TRDN: variants seen among roughly 807,000 people sequenced by gnomAD.
The protein encoded by TRDN is triadin.
In TRDN, 161 loss-of-function variants were observed where a neutral mutation model predicts 149.7. That is an observed-to-expected ratio of 1.08 (90% CI 0.95 to 1.23). The LOEUF (loss-of-function observed/expected upper bound fraction) is 1.23. TRDN is among the 50% of genes most tolerant of loss of function. The pLI is 0.00. For missense variants in TRDN, 896 were observed against 823.5 expected, an observed-to-expected ratio of 1.09 and a Z score of -1.08; for synonymous variants, 294 against 250.5, an observed-to-expected ratio of 1.17 and a Z score of -1.64.
At chr6:123,236,207 A>G (rs1775781756) in intron 38 of TRDN, among the ~76,000 whole-genome samples, 1 of 152,170 alleles carries the variant, frequency 6.6e-6, no homozygotes, top group Non-Finnish European at 1.5e-5. Flanking sequence ...ACTTATCCTA[A>G]TAAATGTGTG....
chr6:123,291,734 A>G (rs1778020587), intron 24 of TRDN, among the ~76,000 whole-genome samples: 1 of 152,218 alleles, frequency 6.6e-6, no homozygotes, highest in African/African-American at 2.4e-5. Context: ...AACTTTTTAC[A>G]AATGGCCTAA....
At chr6:123,266,078 G>A (rs1483662080) in intron 32 of TRDN, among the ~76,000 whole-genome samples, 1 of 127,230 alleles carries the variant, frequency 7.9e-6, no homozygotes, top group East Asian at 2.2e-4. Context: ...TACATTTTGT[G>A]TTTATATATA....
intron 10 of TRDN, among the ~76,000 whole-genome samples, chr6:123,455,699 T>A (rs564247077): frequency 1.3e-5 from 2 of 152,308 alleles, no homozygotes; most frequent in South Asian, 4.1e-4. Flanking sequence ...TCTTTTAAAT[T>A]TTTATGCAGA....
At chr6:123,481,206 T>C (rs1464349970) in intron 9 of TRDN, among the ~76,000 whole-genome samples, 1 of 152,074 alleles carries the variant, frequency 6.6e-6, no homozygotes, top group Non-Finnish European at 1.5e-5. Flanking sequence ...CTGTGAAGTA[T>C]GAGATCACAG....
intron 9 of TRDN, among the ~76,000 whole-genome samples, chr6:123,472,775 G>T (rs1777247775): frequency 6.6e-6 from 1 of 152,170 alleles, no homozygotes; most frequent in African/African-American, 2.4e-5. Flanking sequence ...TCTCAAGTGG[G>T]TCCCTGACCC....
chr6:123,311,202 A>T (rs1185483487), intron 24 of TRDN, among the ~76,000 whole-genome samples: 1 of 151,984 alleles, frequency 6.6e-6, no homozygotes, highest in Non-Finnish European at 1.5e-5. Flanking sequence ...TTTACGTGGC[A>T]GCAGACAAGA....
chr6:123,352,392 C>G, intron 21 of TRDN, 147 bp downstream of exon 21: 2 of 1,386,628 alleles, frequency 1.4e-6, no homozygotes, highest in South Asian at 1.8e-5. Flanking sequence ...TCACATTCTC[C>G]CTGGCACAGA....
intron 1 of TRDN, among the ~76,000 whole-genome samples, chr6:123,607,434 C>T (rs1027313542): frequency 1.3e-5 from 2 of 152,118 alleles, no homozygotes; most frequent in African/African-American, 2.4e-5. Flanking sequence ...TGATCATATA[C>T]TTTCTCTATA....
intron 40 of TRDN, among the ~76,000 whole-genome samples, chr6:123,219,737 C>T (rs1482487398): frequency 6.6e-6 from 1 of 151,752 alleles, no homozygotes; most frequent in Non-Finnish European, 1.5e-5. Flanking sequence ...GGAATGATTT[C>T]TCTTTTCTTC....
chr6:123,565,734 C>T (rs1782256021), intron 2 of TRDN, among the ~76,000 whole-genome samples: 2 of 152,194 alleles, frequency 1.3e-5, no homozygotes, highest in South Asian at 2.1e-4. Flanking sequence ...TGGCAACAGC[C>T]GCCACATCTC....
chr6:123,251,982 G>A (rs1176721620), intron 38 of TRDN, among the ~76,000 whole-genome samples: 3 of 151,910 alleles, frequency 2.0e-5, no homozygotes, highest in Non-Finnish European at 4.4e-5. Flanking sequence ...TACAATTTAG[G>A]TTTCTTAGAT....
At chr6:123,564,178 T>C (rs763899400) in intron 2 of TRDN, among the ~76,000 whole-genome samples, 3 of 152,136 alleles carry the variant, frequency 2.0e-5, no homozygotes, top group Non-Finnish European at 2.9e-5. Flanking sequence ...AGACTGAAGT[T>C]GGGTAGTAAA....
At chr6:123,549,436 T>C (rs1350568870) in intron 2 of TRDN, among the ~76,000 whole-genome samples, 1 of 152,086 alleles carries the variant, frequency 6.6e-6, no homozygotes, top group Non-Finnish European at 1.5e-5. Flanking sequence ...AAATTGCATC[T>C]GATTTTTTAT....
chr6:123,360,719 C>CA (rs1562277900), intron 20 of TRDN, among the ~76,000 whole-genome samples: 8 of 26,546 alleles, frequency 3.0e-4, no homozygotes, highest in African/African-American at 1.9e-3. Context: ...GAGAGAGAGA[C>CA]GGAGAGAGAG....
chr6:123,613,819 T>G (rs1452185988), intron 1 of TRDN, among the ~76,000 whole-genome samples: 1 of 152,162 alleles, frequency 6.6e-6, no homozygotes, highest in Non-Finnish European at 1.5e-5. Flanking sequence ...GAATATGAGT[T>G]GGATGGCACA....
At chr6:123,361,747 C>T (rs1284612035) in intron 20 of TRDN, among the ~76,000 whole-genome samples, 1 of 152,110 alleles carries the variant, frequency 6.6e-6, no homozygotes, top group African/African-American at 2.4e-5. Context: ...TGACCATCAC[C>T]TTCCTATTGG....
intron 23 of TRDN, among the ~76,000 whole-genome samples, chr6:123,318,962 ATGACCTTAGGACAAGTTCTTT>A (rs1779139877): frequency 1.3e-5 from 2 of 152,202 alleles, no homozygotes; most frequent in South Asian, 4.1e-4. Flanking sequence ...AATGCTAAAG[ATGACCTTAGGACAAGTTCTTT>A]TGGTGTATGA....
At chr6:123,511,989 A>AT (rs58869649) in intron 7 of TRDN, among the ~76,000 whole-genome samples, 41,838 of 141,124 alleles carry the variant, frequency 0.3, 7,299 homozygotes, top group East Asian at 0.61. Flanking sequence ...TGCCTCTGCA[A>AT]TTTTTTTTTT....
intron 13 of TRDN, among the ~76,000 whole-genome samples, chr6:123,390,829 C>T (rs540863529): frequency 6.6e-6 from 1 of 152,164 alleles, no homozygotes; most frequent in Non-Finnish European, 1.5e-5. Context: ...TGTAAAAAGA[C>T]TGGAATGGCT....
Sources: allele counts gnomAD v4.1 joint callset (sites outside exome capture counted in the v4.1 genomes callset), GRCh38; gene constraint gnomAD v4.1.1; transcripts MANE v1.5; gene names NCBI Gene and HGNC (gene_info 2026-07-23, HGNC 2026-07-21).